The following MFSD1 variants were observed in gnomAD, a reference collection of about 807,000 sequenced individuals.
MFSD1 encodes the protein lysosomal dipeptide transporter MFSD1.
In MFSD1, 59 loss-of-function variants were observed where a neutral mutation model predicts 67.1. The observed-to-expected ratio is 0.88, with a 90% CI of 0.71 to 1.09. MFSD1 has a LOEUF of 1.09. MFSD1 is among the 50% of genes least tolerant of loss of function. The pLI, the probability that MFSD1 is intolerant of heterozygous loss-of-function variation, is 0.00. For synonymous variants in MFSD1, 213 were observed against 200.3 expected (o/e 1.06, Z -0.54); for missense variants, 552 against 566.1 (o/e 0.97, Z 0.25).
At chr3:158,814,934 T>C (rs1034818109) in intron 7 of MFSD1, among the ~76,000 whole-genome samples, 9 of 151,912 alleles carry the variant, frequency 5.9e-5, no homozygotes, top group African/African-American at 2.2e-4. Context: ...ATACAAAAAT[T>C]AGCTGGGCGT....
intron 6 of MFSD1, among the ~76,000 whole-genome samples, chr3:158,810,545 GCT>G (rs1176122939): frequency 1.3e-5 from 2 of 152,074 alleles, no homozygotes; most frequent in African/African-American, 2.4e-5. Context: ...TATAAATAGT[GCT>G]ATAGTCTGAC....
rs775764397 is a variant in MFSD1, at chr3:158,823,505, G to A, written c.1155G>A (p.Gln385=). 1.2e-6 allele frequency: 2 copies of A among 1,611,860 alleles called. No homozygotes were observed. The highest frequency in any genetic ancestry group is 1.7e-6 in the Non-Finnish European group (2 of 1,177,932). Residue 385 remains glutamine (Q), a synonymous_variant, in exon 12 of 16, where the codon CAG becomes CAA. Transcript: ENST00000415822. ...TGGCATTTGTAGTTCCTGAACATCA[G>A]CTGGGAACTGCATATGGCTTGTAAG... ...PMVAFVVPEH[Q]LGTAYGFMQS... is the part of the protein sequence containing the mutation.
intron 15 of MFSD1, 60 bp downstream of exon 15, chr3:158,827,397 C>G: frequency 3.4e-6 from 3 of 880,438 alleles, no homozygotes; most frequent in Non-Finnish European, 5.0e-6. Context: ...ATGAGCATTT[C>G]GTTTCAAGGT....
chr3:158,807,515 A>G (rs570493887), intron 5 of MFSD1, 52 bp downstream of exon 5: 5 of 1,428,976 alleles, frequency 3.5e-6, no homozygotes, highest in African/African-American at 2.8e-5. Flanking sequence ...TTTAGTGTTC[A>G]TCTATGAAAG....
chr3:158,823,578 A>G (rs373858147), intron 12 of MFSD1, 53 bp downstream of exon 12: 23 of 1,258,790 alleles, frequency 1.8e-5, no homozygotes, highest in Non-Finnish European at 2.4e-5. Flanking sequence ...TGTCAATTTA[A>G]TTATCATATA....
At position 158,807,447 on chromosome 3, in the gene MFSD1, G is replaced by A. The variant is rs779477172; in HGVS notation, c.424G>A (p.Gly142Arg). 1.2e-6 allele frequency: 2 copies of A among 1,612,154 alleles called. No individual in the cohort carries two copies. The highest frequency in any genetic ancestry group is 2.2e-5 in the East Asian group (1 of 44,732). The part of the protein sequence containing the change: ...IFNAFWLMEF[G>R]RFVFGIGGES... ...TAATGCTTTTTGGCTGATGGAATTT[G>A]GAAGATTTGTATTTGGGTAAGTTAT... Residue 142 changes from glycine (G) to arginine (R), a missense_variant, in exon 5 of 16, where the codon GGA becomes AGA. Transcript: ENST00000415822.
chr3:158,804,518 G>A, intron 2 of MFSD1, 147 bp downstream of exon 2: 1 of 559,880 alleles, frequency 1.8e-6, no homozygotes, highest in Non-Finnish European at 3.1e-6. Flanking sequence ...AAGTTGCAAG[G>A]GGTGTTCTTA....
intron 13 of MFSD1, 154 bp downstream of exon 13, chr3:158,824,390 C>CTAGA (rs1425843637): frequency 1.3e-5 from 8 of 621,668 alleles, no homozygotes. Flanking sequence ...GATTCACAGG[C>CTAGA]ATTTTTTAGG....
In MFSD1 at chr3:158,824,175, T is replaced by C; in HGVS notation, c.1227T>C (p.Gly409=). 1.9e-6 allele frequency: 3 copies of C among 1,613,798 alleles called. No homozygotes were observed. The highest frequency in any genetic ancestry group is 2.5e-6 in the Non-Finnish European group (3 of 1,179,854). ...TGGCCATCATTTCCATCATTGCTGG[T>C]ATGATACTGGATTCTCGGGGGTATT... The part of the protein sequence containing the change: ...LGLAIISIIA[G]MILDSRGYLF... The change falls in exon 13 of 16, where the codon GGT becomes GGC. Residue 409 remains glycine, a synonymous_variant. Transcript: ENST00000415822.
In MFSD1 at chr3:158,802,086, C is replaced by A; in HGVS notation, c.-67C>A. On this transcript the variant is annotated 5_prime_UTR_variant, in exon 1 of 16. Coordinates refer to ENST00000415822, the MANE Select transcript of MFSD1 (RefSeq NM_022736.4). ...TGACCGCCGTCTTGACAGTGTTCCA[C>A]GGGCGCTGCTTCCTGCCTGGGTTTG... 3.2e-6 allele frequency: 5 copies of A among 1,580,406 alleles called. No individual in the cohort carries two copies. Among genetic ancestry groups the A allele is most frequent in the Non-Finnish European group, 4.3e-6 (5 of 1,167,156 alleles).
chr3:158,812,229 C>G (rs1199853752), intron 6 of MFSD1, among the ~76,000 whole-genome samples: 1 of 152,174 alleles, frequency 6.6e-6, no homozygotes. Context: ...GAGGTAAACC[C>G]AGGACCTCTG....
intron 6 of MFSD1, among the ~76,000 whole-genome samples, chr3:158,811,093 TTC>T (rs765373686): frequency 2.6e-5 from 4 of 152,192 alleles, no homozygotes; most frequent in Non-Finnish European, 4.4e-5. Context: ...AGCCCTAAGT[TTC>T]TCTCTTTCTC....
intron 14 of MFSD1, 63 bp from the exon 15 acceptor site, chr3:158,827,217 T>C (rs1420729660): frequency 1.1e-5 from 11 of 980,274 alleles, no homozygotes; most frequent in Admixed American, 5.0e-5. Context: ...TATGTATGTA[T>C]GGTTGAAATT....
Position 158,808,713 on chromosome 3 carries a change from G to T in MFSD1, c.441-466G>T, listed in dbSNP as rs557567056. On this transcript the variant is annotated intron_variant, in intron 5 of 15. Transcript: ENST00000415822. ...TTATGGGCAGGAATTCGGACAAAGT[G>T]TAGCAAGGACAGCTTGTCTTTGCCT... 2.6e-5 allele frequency among the ~76,000 whole-genome samples: 4 copies of T among 152,194 alleles called. No individual in the cohort carries two copies. In the South Asian group the frequency reaches 8.3e-4, roughly 32 times the overall value.
intron 7 of MFSD1, among the ~76,000 whole-genome samples, chr3:158,817,276 G>C (rs964822530): frequency 6.6e-6 from 1 of 152,080 alleles, no homozygotes; most frequent in African/African-American, 2.4e-5. Flanking sequence ...AGGAAATAAA[G>C]GGTATTCAAT....
At chr3:158,805,601 T>C in intron 3 of MFSD1, 127 bp downstream of exon 3, 1 of 785,040 alleles carries the variant, frequency 1.3e-6, no homozygotes, top group Non-Finnish European at 2.1e-6. Context: ...TTGAGTTTTT[T>C]AAAAAAATGA....
At position 158,829,077 on chromosome 3, in the gene MFSD1, A is replaced by G; in HGVS notation, c.*95A>G. On this transcript the variant is annotated 3_prime_UTR_variant, in exon 16 of 16. Transcript: ENST00000415822. ...AATTTAGAGTTTAGTCATTAGAAAA[A>G]ATAATGGACTGGAAAGTTATATTTA... 8.3e-7 allele frequency: 1 copy of G among 1,206,078 alleles called. No individual in the cohort carries two copies. The highest frequency in any genetic ancestry group is 1.2e-6 in the Non-Finnish European group (1 of 851,252). 74.7% of individuals were successfully genotyped at this position (1,206,078 alleles called of 1,614,324 possible).
At position 158,823,537 on chromosome 3, in the gene MFSD1, C is replaced by T. The variant is rs377283749; in HGVS notation, c.1175+12C>T. 4.4e-4 allele frequency: 670 copies of T among 1,526,438 alleles called. 11 individuals are homozygous for T. In the South Asian group the frequency reaches 6.8e-3, roughly 15 times the overall value. The allele number at this position is 1,526,438 out of a possible 1,614,324, so 94.6% of individuals were successfully genotyped here. ...ACTGCATATGGCTTGTAAGTATTTA[C>T]GCTGTGGATCGTATATGTCTGTCTC... On this transcript the variant is annotated intron_variant, in intron 12 of 15. Transcript: ENST00000415822.
chr3:158,824,124 C>CA lies in MFSD1; in HGVS notation c.1177dup (p.Met393AsnfsTer73). ...TGTCTTTATATTTCTTCCATTGTAG[C>CA]ATGCAGTCCATTCAGAATCTTGGGT... is the stretch of plus-strand genomic sequence containing the variant. On this transcript the variant is annotated frameshift_variant and splice_region_variant, in exon 13 of 16. Coordinates refer to ENST00000415822, the MANE Select transcript of MFSD1 (RefSeq NM_022736.4). LOFTEE classifies it high-confidence loss of function. 1 of 1,604,834 alleles carries CA rather than the reference C, an allele frequency of 6.2e-7. No individual in the cohort carries two copies. Among genetic ancestry groups the CA allele is most frequent in the Middle Eastern group, 1.7e-4 (1 of 6,024 alleles).
Sources: gnomAD v4.1 joint callset for allele counts (sites outside exome capture counted in the v4.1 genomes callset) on GRCh38, gnomAD v4.1.1 for gene constraint, MANE v1.5 for transcripts, NCBI Gene and HGNC (gene_info 2026-07-23, HGNC 2026-07-21) for gene names.